PCNT: variants seen among roughly 807,000 people sequenced by gnomAD.
PCNT encodes kendrin.
PCNT carries 319 observed loss-of-function variants against 380.4 expected under a neutral mutation model. The ratio of observed to expected loss-of-function variants is 0.84; its 90% CI spans 0.77 to 0.92. The LOEUF is 0.92. PCNT is among the 40% of genes least tolerant of loss of function. The probability of loss-of-function intolerance (pLI) is 0.00; values close to 1 mark genes in which losing one functional copy is unlikely to be tolerated. For synonymous variants in PCNT, 1,845 were observed against 1,735.2 expected (o/e 1.06, Z -1.57); for missense variants, 4,400 against 4,255.3 (o/e 1.03, Z -0.95).
Position 46,427,766 on chromosome 21 carries a change from G to A in PCNT, c.7465G>A (p.Glu2489Lys), listed in dbSNP as rs148485670. The change falls in exon 34 of 47, where the codon GAA becomes AAA. Residue 2489 changes from glutamate (E) to lysine (K), a missense_variant. Transcript: ENST00000359568. ...TCTGGGGGGTCACAGCTCCCTGCTC[G>A]AAAGGCTGGAGAAGATCATCCGTGA... ...SDLGGHSSLL[E>K]RLEKIIREQG... 53 of 1,613,552 alleles carry A rather than the reference G, an allele frequency of 3.3e-5. No individual in the cohort carries two copies. Among genetic ancestry groups the A allele is most frequent in the Middle Eastern group, 1.6e-4 (1 of 6,070 alleles).
intron 2 of PCNT, among the ~76,000 whole-genome samples, chr21:46,329,344 G>A (rs1245528888): frequency 6.6e-6 from 1 of 152,116 alleles, no homozygotes; most frequent in Non-Finnish European, 1.5e-5. Flanking sequence ...TTTGATTTTT[G>A]TTTTCAAAAC....
intron 9 of PCNT, among the ~76,000 whole-genome samples, chr21:46,352,269 C>T (rs1368414013): frequency 1.3e-5 from 2 of 152,254 alleles, no homozygotes; most frequent in Non-Finnish European, 2.9e-5. Flanking sequence ...GACACTGCCA[C>T]TGTCACCAGG....
intron 37 of PCNT, 69 bp downstream of exon 37, chr21:46,430,726 C>G: frequency 6.5e-7 from 1 of 1,541,864 alleles, no homozygotes; most frequent in Non-Finnish European, 8.7e-7. Flanking sequence ...CCATGCTCCT[C>G]TTTCATCCTT....
chr21:46,357,239 C>G (rs1433561406), intron 13 of PCNT, 48 bp downstream of exon 13: 2 of 1,307,532 alleles, frequency 1.5e-6, no homozygotes, highest in Admixed American at 1.7e-5. Context: ...AGTCCTTGCT[C>G]TCTTCCACCT....
At chr21:46,353,625 C>G (rs944120484) in intron 10 of PCNT, among the ~76,000 whole-genome samples, 1 of 150,978 alleles carries the variant, frequency 6.6e-6, no homozygotes, top group African/African-American at 2.4e-5. Context: ...TGGGCACGCT[C>G]TTGTCCAGGC....
chr21:46,347,020 A>C (rs915332022), intron 5 of PCNT, 22 bp downstream of exon 5: 2 of 1,586,380 alleles, frequency 1.3e-6, no homozygotes, highest in Admixed American at 3.7e-5. Context: ...CTAGGCGGGC[A>C]CGGGCAGCGT....
intron 21 of PCNT, among the ~76,000 whole-genome samples, chr21:46,391,944 G>C (rs899405212): frequency 7.9e-5 from 12 of 152,246 alleles, no homozygotes; most frequent in African/African-American, 2.9e-4. Flanking sequence ...AGGCACGTGG[G>C]AGGCAGAGGG....
At chr21:46,375,996 C>T (rs895658837) in intron 15 of PCNT, among the ~76,000 whole-genome samples, 8 of 152,166 alleles carry the variant, frequency 5.3e-5, no homozygotes, top group Non-Finnish European at 4.4e-5. Flanking sequence ...GTGGAGGGAG[C>T]GCCACCTCTG....
intron 15 of PCNT, among the ~76,000 whole-genome samples, chr21:46,373,749 T>TTGG (rs374962143): frequency 1.8e-4 from 15 of 81,232 alleles, no homozygotes; most frequent in Non-Finnish European, 2.5e-4. Context: ...TTTTTTTTTT[T>TTGG]GGGCGGAGTC....
At chr21:46,373,580 C>T (rs1051110839) in intron 15 of PCNT, among the ~76,000 whole-genome samples, 9 of 145,836 alleles carry the variant, frequency 6.2e-5, no homozygotes, top group Admixed American at 2.1e-4. Context: ...TACAGGCATG[C>T]GCCACCATGC....
intron 38 of PCNT, among the ~76,000 whole-genome samples, chr21:46,433,313 G>A (rs1272574378): frequency 6.6e-6 from 1 of 152,258 alleles, no homozygotes; most frequent in Admixed American, 6.5e-5. Flanking sequence ...AACCCGCAAG[G>A]CGGAGGTTGC....
chr21:46,442,306 C>T (rs1041904468), intron 43 of PCNT, among the ~76,000 whole-genome samples, 191 bp from the exon 44 acceptor site: 13 of 152,036 alleles, frequency 8.6e-5, no homozygotes, highest in African/African-American at 3.1e-4. Flanking sequence ...CGCCGGCAGC[C>T]CTGCGAGCAC....
intron 16 of PCNT, among the ~76,000 whole-genome samples, chr21:46,383,546 G>C (rs2085678578): frequency 6.9e-6 from 1 of 145,244 alleles, no homozygotes; most frequent in Non-Finnish European, 1.5e-5. Flanking sequence ...CATTCACAGT[G>C]TTGTATATTC....
intron 15 of PCNT, among the ~76,000 whole-genome samples, chr21:46,380,862 G>A (rs1173979004): frequency 3.3e-5 from 5 of 152,042 alleles, no homozygotes; most frequent in African/African-American, 9.7e-5. Context: ...AAAAAAATAA[G>A]CTTATTTCAT....
At chr21:46,443,385 G>C (rs1404483212) in intron 44 of PCNT, among the ~76,000 whole-genome samples, 1 of 152,202 alleles carries the variant, frequency 6.6e-6, no homozygotes, top group Admixed American at 6.5e-5. Context: ...CCTGGCAGCT[G>C]TATCAGTGTT....
At chr21:46,376,013 A>G (rs1601884257) in intron 15 of PCNT, among the ~76,000 whole-genome samples, 1 of 152,080 alleles carries the variant, frequency 6.6e-6, no homozygotes, top group Non-Finnish European at 1.5e-5. Flanking sequence ...TCTGTCTGCC[A>G]TGCCCGGGCG....
At chr21:46,347,104 C>T (rs1601796295) in intron 5 of PCNT, 106 bp downstream of exon 5, 4 of 1,350,110 alleles carry the variant, frequency 3.0e-6, no homozygotes, top group Non-Finnish European at 4.0e-6. Context: ...GCACCGTCTC[C>T]CCATCTCTGT....
chr21:46,413,661 C>T (rs914365120), intron 29 of PCNT, among the ~76,000 whole-genome samples: 3 of 152,202 alleles, frequency 2.0e-5, no homozygotes, highest in African/African-American at 7.2e-5. Context: ...AGGACCACAT[C>T]GCCCCCGTGG....
In PCNT at chr21:46,417,057, A is replaced by G. The variant is rs13340002; in HGVS notation, c.6921+218A>G. On this transcript the variant is annotated intron_variant, in intron 30 of 46. Transcript: ENST00000359568. ...TGAGATGCATTTGCCTGCCTCAGAC[A>G]TACCCTGGGCATGCTTCTCCACTGA... is the stretch of plus-strand genomic sequence containing the variant. Among the ~76,000 whole-genome samples, 26,941 of 152,108 alleles carry G rather than the reference A, an allele frequency of 0.18. 4,405 individuals are homozygous for G. The highest frequency in any genetic ancestry group is 0.43 in the African/African-American group (18,011 of 41,474).
Sources: gnomAD v4.1 joint callset for allele counts (sites outside exome capture counted in the v4.1 genomes callset) on GRCh38, gnomAD v4.1.1 for gene constraint, MANE v1.5 for transcripts, NCBI Gene and HGNC (gene_info 2026-07-23, HGNC 2026-07-21) for gene names.